CIP2A: variants seen among roughly 807,000 people sequenced by gnomAD.
The protein encoded by CIP2A is protein CIP2A.
In CIP2A, 103 loss-of-function variants were observed where a neutral mutation model predicts 110.9. That is an observed-to-expected ratio of 0.93 (90% CI 0.79 to 1.09). The LOEUF (loss-of-function observed/expected upper bound fraction) is 1.09, where lower values mean the gene tolerates loss of function less well. Among genes scored for constraint, CIP2A ranks in the 50% least tolerant of loss-of-function variants. The pLI, the probability that CIP2A is intolerant of heterozygous loss-of-function variation, is 0.00. For missense variants in CIP2A, 1,088 were observed against 1,038.4 expected, an observed-to-expected ratio of 1.05 and a Z score of -0.66; for synonymous variants, 381 against 361.6, an observed-to-expected ratio of 1.05 and a Z score of -0.61.
chr3:108,575,345 TAC>T (rs1938545639), intron 8 of CIP2A, among the ~76,000 whole-genome samples: 1 of 148,894 alleles, frequency 6.7e-6, no homozygotes, highest in South Asian at 2.1e-4. Flanking sequence ...TATATACATA[TAC>T]ACACATGTGT....
At chr3:108,554,713 A>T (rs1937727444) in intron 17 of CIP2A, among the ~76,000 whole-genome samples, 3 of 152,244 alleles carry the variant, frequency 2.0e-5, no homozygotes, top group Middle Eastern at 6.8e-3. Context: ...TATGAAATAG[A>T]AATGTGTGGG....
At chr3:108,580,087 G>A (rs967871840) in intron 5 of CIP2A, among the ~76,000 whole-genome samples, 1 of 152,172 alleles carries the variant, frequency 6.6e-6, no homozygotes, top group Non-Finnish European at 1.5e-5. Context: ...CAAAAGAACT[G>A]TAGCATTTGT....
chr3:108,553,147 T>TTTTG (rs1937634462), intron 19 of CIP2A, among the ~76,000 whole-genome samples: 1 of 75,240 alleles, frequency 1.3e-5, no homozygotes, highest in African/African-American at 5.1e-5. Flanking sequence ...TTTTTTTTTT[T>TTTTG]GAGACAGTCT....
chr3:108,561,374 T>C (rs957948017), intron 13 of CIP2A, among the ~76,000 whole-genome samples: 8 of 152,142 alleles, frequency 5.3e-5, no homozygotes, highest in African/African-American at 1.9e-4. Context: ...AACTGCAAGA[T>C]GGCAGGCACT....
In CIP2A at chr3:108,568,168, A is replaced by G; in HGVS notation, c.1260T>C (p.Ile420=). Residue 420 remains isoleucine, a synonymous_variant, in exon 10 of 21, where the codon ATT becomes ATC. Coordinates refer to ENST00000295746, the MANE Select transcript of CIP2A (RefSeq NM_020890.3). ...AGTAAAGGATATTTAACAAAACTTCAATGGCCTTGGCAATCCTTTCACATT... is the reference window on the plus strand; with the variant it reads ...AGTAAAGGATATTTAACAAAACTTCGATGGCCTTGGCAATCCTTTCACATT... ...RKKCERIAKA[I]EVLLTLCGDD... 1 of 1,611,730 alleles carries G rather than the reference A, an allele frequency of 6.2e-7. No individual in the cohort carries two copies. The highest frequency in any genetic ancestry group is 8.5e-7 in the Non-Finnish European group (1 of 1,178,444).
chr3:108,553,062 A>T (rs927344933), intron 19 of CIP2A, among the ~76,000 whole-genome samples: 2 of 151,926 alleles, frequency 1.3e-5, no homozygotes, highest in Non-Finnish European at 2.9e-5. Flanking sequence ...CCTGATTCTA[A>T]AAGTTGAAAT....
intron 5 of CIP2A, among the ~76,000 whole-genome samples, chr3:108,579,949 T>C (rs775950163): frequency 6.6e-6 from 1 of 152,188 alleles, no homozygotes; most frequent in Non-Finnish European, 1.5e-5. Flanking sequence ...GAGATAAATA[T>C]TTCCAAAGTT....
intron 8 of CIP2A, among the ~76,000 whole-genome samples, chr3:108,574,055 T>C (rs1032307737): frequency 2.6e-5 from 4 of 152,118 alleles, no homozygotes; most frequent in African/African-American, 9.7e-5. Context: ...AATTGATCTA[T>C]GTTAAAATCA....
In CIP2A at chr3:108,589,423, C is replaced by G. The variant is rs376541928; in HGVS notation, c.-48G>C. ...AGGGACCACCACCGCCCAGCGTGCG[C>G]CGGCCTTTAGCTTTCGCCGCGCTTT... On this transcript the variant is annotated 5_prime_UTR_variant, in exon 1 of 21. Coordinates refer to ENST00000295746, the MANE Select transcript of CIP2A (RefSeq NM_020890.3). The G allele has an allele frequency of 3.6e-5, 51 of 1,403,872 alleles. No homozygotes were observed. The Admixed American group carries it at 9.6e-4, about 26-fold the overall frequency. The allele number at this position is 1,403,872 out of a possible 1,614,324, so 87.0% of individuals were successfully genotyped here.
chr3:108,560,774 T>A lies in CIP2A; in HGVS notation c.1702A>T (p.Met568Leu). Reference protein sequence around the residue: ...QQETEHIPRKMPWQSSNHSFP... With the variant: ...QQETEHIPRKLPWQSSNHSFP... ...CTGTGATTTGATGATTGCCAGGGCA[T>A]TTTTCTGGGTATATGTTCTGTTTCC... Residue 568 changes from methionine (M) to leucine (L), a missense_variant, in exon 14 of 21, where the codon ATG becomes TTG. By Grantham distance (15) the Met-to-Leu change is conservative (BLOSUM62 2). Transcript: ENST00000295746. The A allele has an allele frequency of 6.2e-7, 1 of 1,612,696 alleles. No individual in the cohort carries two copies.
At chr3:108,578,542 G>A (rs12497782) in intron 7 of CIP2A, among the ~76,000 whole-genome samples, 30,877 of 152,192 alleles carry the variant, frequency 0.2, 3,715 homozygotes, top group East Asian at 0.45. Flanking sequence ...AAACATCAGG[G>A]ACTGTGTCTT....
intron 14 of CIP2A, among the ~76,000 whole-genome samples, 196 bp downstream of exon 14, chr3:108,560,453 G>A (rs532858088): frequency 2.0e-5 from 3 of 152,220 alleles, no homozygotes; most frequent in Non-Finnish European, 2.9e-5. Context: ...GATTACAGGC[G>A]TAAGCCACCG....
At chr3:108,582,399 C>G (rs1938913099) in intron 3 of CIP2A, among the ~76,000 whole-genome samples, 197 bp from the exon 4 acceptor site, 1 of 152,174 alleles carries the variant, frequency 6.6e-6, no homozygotes. Flanking sequence ...TGTCTCAGAG[C>G]ATGGTTATCA....
chr3:108,576,241 GTT>G, intron 8 of CIP2A, 28 bp downstream of exon 8: 4 of 1,414,762 alleles, frequency 2.8e-6, no homozygotes, highest in Non-Finnish European at 3.8e-6. Context: ...GTTTTTAAAA[GTT>G]TAAATGAAAA....
intron 8 of CIP2A, among the ~76,000 whole-genome samples, chr3:108,575,437 T>TGTGA (rs1938556433): frequency 6.8e-6 from 1 of 147,604 alleles, no homozygotes; most frequent in Non-Finnish European, 1.5e-5. Flanking sequence ...TACATACACA[T>TGTGA]ACATATATAC....
rs1487751231 is a variant in CIP2A at position 108,560,790 on chromosome 3, T to G, written c.1686A>C (p.Glu562Asp). The change falls in exon 14 of 21, where the codon GAA becomes GAC. Residue 562 changes from glutamate to aspartate, a missense_variant. Coordinates refer to ENST00000295746, the MANE Select transcript of CIP2A (RefSeq NM_020890.3). ...GCCAGGGCATTTTTCTGGGTATATG[T>G]TCTGTTTCCTGTTGTCTATAGGCAT... ...ANNAYRQQET[E>D]HIPRKMPWQS... The G allele has an allele frequency of 3.1e-6, 5 of 1,612,852 alleles. No homozygotes were observed. The African/African-American group carries it at 6.7e-5, about 22-fold the overall frequency.
chr3:108,572,501 T>C (rs1205693037), intron 8 of CIP2A, among the ~76,000 whole-genome samples: 1 of 152,020 alleles, frequency 6.6e-6, no homozygotes, highest in African/African-American at 2.4e-5. Flanking sequence ...TGCTGTGGGT[T>C]TGTTTCTGCT....
At chr3:108,576,214 A>T in intron 8 of CIP2A, 57 bp downstream of exon 8, 1 of 1,108,010 alleles carries the variant, frequency 9.0e-7, no homozygotes, top group Non-Finnish European at 1.3e-6. Context: ...GTTTTTTAAA[A>T]GTTTCGGCAT....
chr3:108,558,644 G>T (rs1348114906), intron 16 of CIP2A, among the ~76,000 whole-genome samples: 1 of 152,102 alleles, frequency 6.6e-6, no homozygotes, highest in Non-Finnish European at 1.5e-5. Flanking sequence ...ACAGAGGAAG[G>T]ATCGTCAAAC....
Sources: allele counts gnomAD v4.1 joint callset (sites outside exome capture counted in the v4.1 genomes callset), GRCh38; gene constraint gnomAD v4.1.1; transcripts MANE v1.5; gene names NCBI Gene and HGNC (gene_info 2026-07-23, HGNC 2026-07-21).